Variants in PRR33 observed in about 807,000 individuals in gnomAD.
PRR33 encodes the protein proline rich 33, also known as proline-rich protein 33.
Under a neutral mutation model 0.5 loss-of-function variants are expected in PRR33, and 1 was observed. That is an observed-to-expected ratio of 2.18 (90% CI 0.77 to 10.34). The LOEUF (loss-of-function observed/expected upper bound fraction) is 10.34. Ranked by LOEUF, PRR33 falls within the 30% of genes most tolerant of loss-of-function variation. The probability of loss-of-function intolerance (pLI) is 0.13; values close to 1 mark genes in which losing one functional copy is unlikely to be tolerated. For missense variants in PRR33, 552 were observed against 251.8 expected (o/e 2.19, Z -8.07); for synonymous variants, 226 against 110.0 (o/e 2.06, Z -6.60).
chr11:1,907,566 C>T, the PRR33 span, among the ~76,000 whole-genome samples: 1 of 152,174 alleles, frequency 6.6e-6, no homozygotes, highest in South Asian at 2.1e-4. Flanking sequence ...CTCCCGCCAC[C>T]ATGCCCGGCT....
chr11:1,906,124 C>A, the PRR33 span, among the ~76,000 whole-genome samples: 2 of 151,994 alleles, frequency 1.3e-5, no homozygotes, highest in Non-Finnish European at 2.9e-5. Flanking sequence ...CCATGCATGG[C>A]CCCTCTGCTT....
chr11:1,914,669 G>C, the PRR33 span, among the ~76,000 whole-genome samples: 1 of 143,644 alleles, frequency 7.0e-6, no homozygotes, highest in Non-Finnish European at 1.5e-5. Context: ...ACAAACCTGG[G>C]GAGGATGTTG....
the PRR33 span, among the ~76,000 whole-genome samples, chr11:1,917,179 A>G: frequency 3.3e-5 from 5 of 152,160 alleles, no homozygotes; most frequent in Non-Finnish European, 7.4e-5. Flanking sequence ...AGCTGGGCCG[A>G]GCGGCCTCAG....
the PRR33 span, chr11:1,890,348 TG>T: frequency 4.2e-6 from 3 of 715,760 alleles, no homozygotes; most frequent in Non-Finnish European, 7.8e-6. Context: ...CGTGCGGGGC[TG>T]TGACCTCCTG....
upstream of PRR33, among the ~76,000 whole-genome samples, chr11:1,892,602 G>A (rs938930998): frequency 5.9e-5 from 9 of 152,286 alleles, no homozygotes; most frequent in African/African-American, 2.2e-4. Flanking sequence ...ACACCACACA[G>A]GAGGTGCTCA....
the PRR33 span, among the ~76,000 whole-genome samples, chr11:1,911,398 TGCCACTG>T: frequency 2.0e-5 from 3 of 152,082 alleles, no homozygotes; most frequent in Non-Finnish European, 4.4e-5. Flanking sequence ...GCCGAGATTG[TGCCACTG>T]CACCCCAGCC....
chr11:1,907,339 G>A, the PRR33 span, among the ~76,000 whole-genome samples: 3 of 152,182 alleles, frequency 2.0e-5, no homozygotes, highest in Non-Finnish European at 4.4e-5. Context: ...CTTCCATCAT[G>A]TTTCCACTGT....
At chr11:1,902,231 CA>C in the PRR33 span, among the ~76,000 whole-genome samples, 151 of 126,836 alleles carry the variant, frequency 1.2e-3, no homozygotes, top group Middle Eastern at 8.8e-3. Flanking sequence ...GACTCTATCT[CA>C]AAAAAAAAAA....
the PRR33 span, among the ~76,000 whole-genome samples, chr11:1,901,313 T>TAA: frequency 4.4e-5 from 6 of 135,256 alleles, no homozygotes; most frequent in African/African-American, 1.4e-4. Context: ...ACACCACCTC[T>TAA]AAAAAAAAAA....
exon 1 of PRR33, chr11:1,890,285 G>C: frequency 1.4e-6 from 1 of 712,524 alleles, no homozygotes; most frequent in Non-Finnish European, 2.6e-6. Flanking sequence ...CCTCGGCGGG[G>C]CGTGGGGCTT....
the PRR33 span, among the ~76,000 whole-genome samples, chr11:1,902,060 G>A: frequency 6.1e-4 from 93 of 152,120 alleles, no homozygotes; most frequent in East Asian, 1.9e-3. Context: ...GTGAGATCCC[G>A]TCTCTACTAA....
At chr11:1,910,169 A>G in the PRR33 span, among the ~76,000 whole-genome samples, 2 of 152,160 alleles carry the variant, frequency 1.3e-5, no homozygotes, top group Non-Finnish European at 2.9e-5. Context: ...TGCAGTGACC[A>G]ACAGCAATCT....
the PRR33 span, among the ~76,000 whole-genome samples, chr11:1,911,015 T>G: frequency 1.3e-5 from 2 of 152,228 alleles, no homozygotes; most frequent in African/African-American, 4.8e-5. Flanking sequence ...AAAAGATGGC[T>G]TGTTTTTTTT....
chr11:1,897,890 G>A, the PRR33 span, among the ~76,000 whole-genome samples: 1 of 152,188 alleles, frequency 6.6e-6, no homozygotes, highest in African/African-American at 2.4e-5. The surrounding 1 kb of genome is among the most constrained non-coding windows in gnomAD (Gnocchi z 4.0). Context: ...CCATCAGGAA[G>A]ATCATATTTA....
rs1334841316 is a variant in PRR33, at chr11:1,890,874, C to T, written c.-290G>A. ...GCCTCCAGGGCTCTGTCCTCCATGC[C>T]ACCCCAGCACAAAGCAGGCCCCAAG... On this transcript the variant is annotated 5_prime_UTR_variant, in exon 1 of 1. It introduces an in-frame stop codon into an upstream open reading frame of the 5' UTR. Transcript: ENST00000640310. The T allele has an allele frequency of 9.0e-6, 4 of 442,412 alleles. No individual in the cohort carries two copies. The highest frequency in any genetic ancestry group is 7.8e-5 in the African/African-American group (4 of 51,462). 27.4% of individuals were successfully genotyped at this position (442,412 alleles called of 1,614,324 possible). A position where few individuals can be genotyped will look rare whatever the true frequency, so the allele number is the denominator to read the frequency against.
chr11:1,890,379 A>T (rs1249280873), exon 1 of PRR33: 1 of 716,672 alleles, frequency 1.4e-6, no homozygotes, highest in Non-Finnish European at 2.6e-6. Context: ...GGCCTCACTC[A>T]CGGGGGACAG....
upstream of PRR33, among the ~76,000 whole-genome samples, chr11:1,893,412 G>A (rs1849072640): frequency 6.7e-6 from 1 of 149,886 alleles, no homozygotes; most frequent in African/African-American, 2.5e-5. Flanking sequence ...TGAATGGATG[G>A]GTGGGTGGGA....
upstream of PRR33, among the ~76,000 whole-genome samples, chr11:1,893,794 T>C (rs1260487178): frequency 6.8e-6 from 1 of 147,494 alleles, no homozygotes; most frequent in Non-Finnish European, 1.5e-5. Context: ...GATGGATGGA[T>C]AGGTGGATGG....
chr11:1,900,780 C>G, the PRR33 span, among the ~76,000 whole-genome samples: 1 of 152,174 alleles, frequency 6.6e-6, no homozygotes, highest in Non-Finnish European at 1.5e-5. Context: ...TATTCACAAA[C>G]AATATCTCAA....
Sources: gnomAD v4.1 joint callset for allele counts (sites outside exome capture counted in the v4.1 genomes callset) on GRCh38, gnomAD v4.1.1 for gene constraint, Gnocchi (gnomAD v3.1) non-coding constraint, MANE v1.5 for transcripts, NCBI Gene and HGNC (gene_info 2026-07-23, HGNC 2026-07-21) for gene names.